MTBP: variants seen among roughly 807,000 people sequenced by gnomAD.
MTBP encodes the protein MDM2 binding protein.
A neutral mutation model predicts 117.0 loss-of-function variants in MTBP; 101 were observed. The observed-to-expected ratio is 0.86, with a 90% CI of 0.73 to 1.02. The LOEUF is 1.02. MTBP is among the 50% of genes least tolerant of loss of function. The probability of loss-of-function intolerance (pLI) is 0.00; values close to 1 mark genes in which losing one functional copy is unlikely to be tolerated. For missense variants in MTBP, 970 were observed against 1,030.9 expected (o/e 0.94, Z 0.81); for synonymous variants, 350 against 351.5 (o/e 1.00, Z 0.05).
chr8:120,489,106 T>G (rs1222058573), intron 12 of MTBP, among the ~76,000 whole-genome samples: 1 of 150,982 alleles, frequency 6.6e-6, no homozygotes, highest in African/African-American at 2.4e-5. Flanking sequence ...TGGTGCAATC[T>G]TCGCTCACTG....
intron 2 of MTBP, among the ~76,000 whole-genome samples, chr8:120,447,887 A>G (rs1586933759): frequency 6.6e-6 from 1 of 151,634 alleles, no homozygotes; most frequent in East Asian, 1.9e-4. Flanking sequence ...GCGAATTATC[A>G]TATTCCAGTT....
intron 11 of MTBP, chr8:120,471,240 A>G (rs11780830): frequency 0.88 from 173,834 of 198,310 alleles, 76,441 homozygotes; most frequent in Non-Finnish European, 0.91. Flanking sequence ...TGAAAAGAGC[A>G]GTTCATTTAT....
chr8:120,518,705 T>C lies in MTBP; in HGVS notation c.2498T>C (p.Ile833Thr). 6.3e-7 allele frequency: 1 copy of C among 1,593,892 alleles called. No homozygotes were observed. Among genetic ancestry groups the C allele is most frequent in the East Asian group, 2.2e-5 (1 of 44,676 alleles). ...KESRSQKHTR[I>T]LKEVVTETLK... The stretch of plus-strand genomic sequence containing the variant: ...GTCATATGTTATGTTCTGTTCAAGA[T>C]ACTGAAAGAAGTAGTTACTGAAACC... The change falls in exon 20 of 22, where the codon ATA (isoleucine) becomes ACA (threonine). Residue 833 changes from isoleucine (I) to threonine (T), a missense_variant and splice_region_variant. By Grantham distance (89) the Ile-to-Thr change is moderately conservative (BLOSUM62 -1). Coordinates refer to ENST00000305949, the MANE Select transcript of MTBP (RefSeq NM_022045.5).
intron 11 of MTBP, among the ~76,000 whole-genome samples, chr8:120,484,555 G>C (rs1479369223): frequency 6.6e-6 from 1 of 151,988 alleles, no homozygotes; most frequent in Non-Finnish European, 1.5e-5. Flanking sequence ...TTGCTGTGTG[G>C]TTGTCTATAA....
At chr8:120,459,529 T>A (rs1167233509) in intron 8 of MTBP, among the ~76,000 whole-genome samples, 180 bp downstream of exon 8, 1 of 152,186 alleles carries the variant, frequency 6.6e-6, no homozygotes, top group Non-Finnish European at 1.5e-5. Flanking sequence ...TTGGTGAAAG[T>A]GTCATTGTTT....
chr8:120,523,475 A>G lies in MTBP; in HGVS notation c.*139A>G. Reference sequence around the variant, plus strand: ...GTTATATTTCTAAAGAATTTCATGAATATATATTCTATATTTGTATAGTTT... The same window carrying G: ...GTTATATTTCTAAAGAATTTCATGAGTATATATTCTATATTTGTATAGTTT... On this transcript the variant is annotated 3_prime_UTR_variant, in exon 22 of 22. Transcript: ENST00000305949. The G allele has an allele frequency of 2.2e-6, 1 of 459,142 alleles. No individual in the cohort carries two copies. The highest frequency in any genetic ancestry group is 3.8e-6 in the Non-Finnish European group (1 of 259,958). 28.4% of individuals were successfully genotyped at this position (459,142 alleles called of 1,614,324 possible).
chr8:120,471,718 C>T (rs927267390), intron 11 of MTBP: 1 of 152,060 alleles, frequency 6.6e-6, no homozygotes, highest in Non-Finnish European at 1.5e-5. Flanking sequence ...TTTTTATCCC[C>T]ATTTTACAGA....
At chr8:120,451,541 T>C (rs1031943734) in intron 4 of MTBP, 3 of 450,298 alleles carry the variant, frequency 6.7e-6, no homozygotes, top group African/African-American at 4.0e-5. Flanking sequence ...AAAAGTGATA[T>C]TTTAATAAAC....
At chr8:120,470,687 G>A (rs970190120) in intron 10 of MTBP, 133 bp from the exon 11 acceptor site, 11 of 606,156 alleles carry the variant, frequency 1.8e-5, no homozygotes, top group Non-Finnish European at 3.1e-5. Context: ...AGTTTTTATA[G>A]TGGAGTTTTT....
intron 10 of MTBP, 67 bp downstream of exon 10, chr8:120,463,828 G>C (rs1813631229): frequency 1.4e-6 from 2 of 1,414,882 alleles, no homozygotes; most frequent in South Asian, 2.5e-5. Flanking sequence ...GGATGTGTAA[G>C]AAAAGGGAAT....
chr8:120,523,290 C>A lies in MTBP; in HGVS notation c.2677-8C>A. ...AATCTTCTGTAATCATATTTTTTCT[C>A]CCCCTAGGTGATTGACTGGGTATTA... On this transcript the variant is annotated splice_region_variant and splice_polypyrimidine_tract_variant and intron_variant, in intron 21 of 21. Coordinates refer to ENST00000305949, the MANE Select transcript of MTBP (RefSeq NM_022045.5). The A allele has an allele frequency of 6.5e-7, 1 of 1,535,314 alleles. No individual in the cohort carries two copies. The highest frequency in any genetic ancestry group is 2.3e-5 in the East Asian group (1 of 42,676).
In MTBP at chr8:120,468,855, T is replaced by C. The variant is rs1813753695; in HGVS notation, c.1048-1965T>C. 3.3e-5 allele frequency among the ~76,000 whole-genome samples: 5 copies of C among 152,224 alleles called. No homozygotes were observed. The South Asian group carries it at 1.0e-3, about 32-fold the overall frequency. ...TTAGTGCAAGTTTGGCTTTGGGAAG[T>C]GCTTTGGAGCTTCTTTTCGGTCCAA... On this transcript the variant is annotated intron_variant, in intron 10 of 21. Transcript: ENST00000305949.
In MTBP at chr8:120,503,796, T is replaced by C. The variant is rs377013137; in HGVS notation, c.1727+1187T>C. On this transcript the variant is annotated intron_variant, in intron 15 of 21. Coordinates refer to ENST00000305949, the MANE Select transcript of MTBP (RefSeq NM_022045.5). Reference sequence around the variant, plus strand: ...AGAGCAGTAGTAGTGGAAATAAATTTGGGAGATAACGTTAGTGGTAAGCTG... The same window carrying C: ...AGAGCAGTAGTAGTGGAAATAAATTCGGGAGATAACGTTAGTGGTAAGCTG... 2.5e-4 allele frequency among the ~76,000 whole-genome samples: 38 copies of C among 152,218 alleles called. No individual in the cohort carries two copies. In the East Asian group the frequency reaches 2.7e-3, roughly 11 times the overall value.
At chr8:120,519,073 A>G (rs1240528589) in intron 20 of MTBP, among the ~76,000 whole-genome samples, 1 of 151,884 alleles carries the variant, frequency 6.6e-6, no homozygotes, top group Admixed American at 6.6e-5. Flanking sequence ...AATAAGCTTC[A>G]TAACATGTTT....
intron 16 of MTBP, among the ~76,000 whole-genome samples, chr8:120,509,358 T>C (rs1299759063): frequency 6.6e-6 from 1 of 152,148 alleles, no homozygotes; most frequent in African/African-American, 2.4e-5. Flanking sequence ...TCCTAACACT[T>C]TGGGAGGCTG....
intron 10 of MTBP, among the ~76,000 whole-genome samples, chr8:120,466,861 G>A (rs1174306608): frequency 5.3e-5 from 8 of 152,118 alleles, no homozygotes; most frequent in South Asian, 2.1e-4. Context: ...GCAACAGAGC[G>A]AGACTCCGTC....
At chr8:120,467,456 A>G (rs1813723066) in intron 10 of MTBP, among the ~76,000 whole-genome samples, 1 of 152,174 alleles carries the variant, frequency 6.6e-6, no homozygotes, top group Non-Finnish European at 1.5e-5. Flanking sequence ...CTCTACTAAA[A>G]CAATAGAAAA....
At position 120,446,458 on chromosome 8, in the gene MTBP, CCT is replaced by C; in HGVS notation, c.147_148del (p.Leu50GlufsTer5). 6.2e-7 allele frequency: 1 copy of C among 1,609,558 alleles called. No homozygotes were observed. Among genetic ancestry groups the C allele is most frequent in the Non-Finnish European group, 8.5e-7 (1 of 1,176,154 alleles). On this transcript the variant is annotated frameshift_variant, in exon 2 of 22. Transcript: ENST00000305949. LOFTEE classifies it high-confidence loss of function. The part of the protein sequence containing the change: ...PDFTAANVYH[L>X]LKRSISASIN... ...ACTTCACAGCAGCAAATGTTTATCACCTCTTGAAAAGAAGCATTAGTGCTTCA... is the reference window on the plus strand; with the variant it reads ...ACTTCACAGCAGCAAATGTTTATCACCTTGAAAAGAAGCATTAGTGCTTCA...
At chr8:120,454,047 ATACAGAATGTATCCATG>A in intron 5 of MTBP, 142 bp downstream of exon 5, 1 of 474,322 alleles carries the variant, frequency 2.1e-6, no homozygotes. Context: ...ATTGAAGTTG[ATACAGAATGTATCCATG>A]GGAGTACATT....
Sources: allele counts gnomAD v4.1 joint callset (sites outside exome capture counted in the v4.1 genomes callset), GRCh38; gene constraint gnomAD v4.1.1; transcripts MANE v1.5; gene names NCBI Gene and HGNC (gene_info 2026-07-23, HGNC 2026-07-21).